Variants in TEX14 observed in about 807,000 individuals in gnomAD.
TEX14 encodes the protein testis expressed 14, intercellular bridge forming factor, also known as inactive serine/threonine-protein kinase TEX14.
Under a neutral mutation model 178.6 loss-of-function variants are expected in TEX14, and 168 were observed. The observed-to-expected ratio is 0.94, with a 90% CI of 0.83 to 1.07. The LOEUF is 1.07. Among genes scored for constraint, TEX14 ranks in the 50% least tolerant of loss-of-function variants. TEX14 has a pLI of 0.00. For synonymous variants in TEX14, 626 were observed against 634.1 expected (o/e 0.99, Z 0.19); for missense variants, 1,730 against 1,753.6 (o/e 0.99, Z 0.24).
intron 1 of TEX14, chr17:58,679,679 C>T (rs748646165): frequency 3.9e-5 from 6 of 152,268 alleles, no homozygotes; most frequent in African/African-American, 7.2e-5. Flanking sequence ...ATTTCCCTTG[C>T]CAGTTAAGTA....
At position 58,613,436 on chromosome 17, in the gene TEX14, A is replaced by T. The variant is rs774339304; in HGVS notation, c.990T>A (p.Ser330Arg). ...YERITIGTLF[S>R]VLHERRSQFP... Reference sequence around the variant, plus strand: ...AGCAGTTTACTCGTTCATGAAGGACACTGAACAATGTGCCGATAGTGATGC... The same window carrying T: ...AGCAGTTTACTCGTTCATGAAGGACTCTGAACAATGTGCCGATAGTGATGC... Residue 330 changes from serine to arginine, a missense_variant, in exon 9 of 32, where the codon AGT becomes AGA. This residue lies in a region of TEX14 where 789 missense variants were observed against 681.2 expected (regional missense o/e 1.16). Transcript: ENST00000349033. 9.9e-6 allele frequency: 16 copies of T among 1,614,032 alleles called. No individual in the cohort carries two copies. The highest frequency in any genetic ancestry group is 1.4e-5 in the Non-Finnish European group (16 of 1,179,998).
At position 58,665,588 on chromosome 17, in the gene TEX14, T is replaced by C. The variant is rs191577175; in HGVS notation, c.-1-13586A>G. ...TCCAGCCTAGGCAACAGGGTGAGACTCTGTCTCATAAAAAACAAAAAACAA... is the reference window on the plus strand; with the variant it reads ...TCCAGCCTAGGCAACAGGGTGAGACCCTGTCTCATAAAAAACAAAAAACAA... On this transcript the variant is annotated intron_variant, in intron 1 of 31. Coordinates refer to ENST00000349033, the MANE Select transcript of TEX14 (RefSeq NM_031272.5). Among the ~76,000 whole-genome samples, 342 of 151,422 alleles carry C rather than the reference T, an allele frequency of 2.3e-3. 6 individuals carry two copies. Among genetic ancestry groups the C allele is most frequent in the Admixed American group, 0.016 (249 of 15,208 alleles).
chr17:58,666,046 C>CAA (rs71395178), intron 1 of TEX14, among the ~76,000 whole-genome samples: 31 of 99,050 alleles, frequency 3.1e-4, no homozygotes, highest in Admixed American at 7.4e-4. Flanking sequence ...GACTCTGTCT[C>CAA]AAAAAAAAAA....
At chr17:58,663,760 G>A (rs563321945) in intron 1 of TEX14, among the ~76,000 whole-genome samples, 9 of 152,274 alleles carry the variant, frequency 5.9e-5, no homozygotes, top group South Asian at 4.1e-4. Context: ...GAGCCAATGT[G>A]CCAGGCCACT....
At chr17:58,557,187 A>G in intron 31 of TEX14, 140 bp from the exon 32 acceptor site, 1 of 705,976 alleles carries the variant, frequency 1.4e-6, no homozygotes, top group Non-Finnish European at 2.5e-6. Flanking sequence ...AAGGGCGATT[A>G]TAACCAACAG....
At chr17:58,627,767 C>A (rs572710891) in intron 3 of TEX14, among the ~76,000 whole-genome samples, 8 of 100,410 alleles carry the variant, frequency 8.0e-5, no homozygotes, top group East Asian at 7.3e-4. Context: ...AAGACTCTAT[C>A]TCAAAAAAAA....
chr17:58,605,241 G>A, intron 10 of TEX14, 112 bp from the exon 11 acceptor site: 1 of 1,304,448 alleles, frequency 7.7e-7, no homozygotes, highest in Non-Finnish European at 1.0e-6. Context: ...ACCCAGGCTG[G>A]AAAGCAGCAG....
intron 8 of TEX14, 40 bp from the exon 9 acceptor site, chr17:58,613,584 G>T (rs1362858509): frequency 1.9e-6 from 3 of 1,606,252 alleles, no homozygotes; most frequent in Non-Finnish European, 2.6e-6. Context: ...CAGGTGAGAG[G>T]AGGATATGAT....
At chr17:58,579,833 A>G (rs578020183) in intron 19 of TEX14, 102 bp from the exon 20 acceptor site, 10 of 924,772 alleles carry the variant, frequency 1.1e-5, no homozygotes, top group African/African-American at 6.6e-5. Flanking sequence ...GAAAATCTTC[A>G]TAAGATCCCT....
intron 1 of TEX14, among the ~76,000 whole-genome samples, chr17:58,678,549 A>G (rs1402281968): frequency 6.6e-6 from 1 of 152,096 alleles, no homozygotes; most frequent in Non-Finnish European, 1.5e-5. Context: ...GCTGGAAACC[A>G]TCATTCTGAG....
chr17:58,579,695 GTA>G lies in TEX14; in HGVS notation c.3206_3207del (p.Ile1069ThrfsTer12). The part of the protein sequence containing the change: ...SSPIEEDFEG[I>X]QGAFAQPQVS... ...ACTTGAGGTTGGGCAAATGCACCTTGTATTCCTTCAAAGTCCTCTTCTATGGG... is the reference window on the plus strand; with the variant it reads ...ACTTGAGGTTGGGCAAATGCACCTTGTTCCTTCAAAGTCCTCTTCTATGGG... On this transcript the variant is annotated frameshift_variant, in exon 20 of 32. Coordinates refer to ENST00000349033, the MANE Select transcript of TEX14 (RefSeq NM_031272.5). LOFTEE classifies it high-confidence loss of function. 2.5e-6 allele frequency: 4 copies of G among 1,613,998 alleles called. No individual in the cohort carries two copies. Among genetic ancestry groups the G allele is most frequent in the Non-Finnish European group, 3.4e-6 (4 of 1,179,946 alleles).
intron 5 of TEX14, among the ~76,000 whole-genome samples, chr17:58,619,634 A>C (rs965003512): frequency 1.3e-5 from 2 of 151,998 alleles, no homozygotes; most frequent in African/African-American, 4.8e-5. Flanking sequence ...GTGAAACCCC[A>C]TCTCTACTAA....
At position 58,612,735 on chromosome 17, in the gene TEX14, CAAAAAAA is replaced by C. The variant is rs35618114; in HGVS notation, c.1005+679_1005+685del. 3.1e-5 allele frequency among the ~76,000 whole-genome samples: 3 copies of C among 97,100 alleles called. No individual in the cohort carries two copies. In the East Asian group the frequency reaches 9.3e-4, roughly 30 times the overall value. The allele number at this position is 97,100 out of a possible 152,430, so 63.7% of individuals were successfully genotyped here. On this transcript the variant is annotated intron_variant, in intron 9 of 31. Coordinates refer to ENST00000349033, the MANE Select transcript of TEX14 (RefSeq NM_031272.5). ...GGGTGACAGAAGGAGACTCTTGTCTCAAAAAAAAAAAAAAAAAAAAAAATTAGCTGGG... is the reference window on the plus strand; with the variant it reads ...GGGTGACAGAAGGAGACTCTTGTCTCAAAAAAAAAAAAAAAATTAGCTGGG...
chr17:58,608,718 T>C (rs2045675194), intron 10 of TEX14, among the ~76,000 whole-genome samples: 2 of 152,236 alleles, frequency 1.3e-5, no homozygotes. Flanking sequence ...AAGAGGAATA[T>C]GCAAAGTGCC....
intron 28 of TEX14, among the ~76,000 whole-genome samples, chr17:58,563,658 TAGAGAGAG>T (rs1180956521): frequency 0.012 from 209 of 17,344 alleles, no homozygotes; most frequent in Middle Eastern, 0.029. Flanking sequence ...TATATATATA[TAGAGAGAG>T]AGAGAGAGAG....
chr17:58,662,766 A>G (rs2047139161), intron 1 of TEX14, among the ~76,000 whole-genome samples: 1 of 152,196 alleles, frequency 6.6e-6, no homozygotes, highest in Admixed American at 6.5e-5. Context: ...TATATACTCA[A>G]TAATTTTTAA....
chr17:58,621,658 G>A lies in TEX14; in HGVS notation c.546C>T (p.Leu182=), dbSNP rs759620780. 14 of 1,613,516 alleles carry A rather than the reference G, an allele frequency of 8.7e-6. No individual in the cohort carries two copies. The Admixed American group carries it at 1.0e-4, about 12-fold the overall frequency. ...LVYSPSWCGG[L]VQGNPNGSPN... is the part of the protein sequence containing the mutation. The stretch of plus-strand genomic sequence containing the variant: ...CTCAAGGCAGTACTCACCCCTGCAC[G>A]AGGCCCCCACACCAGGACGGGCTGT... Residue 182 remains leucine (L), a synonymous_variant, in exon 5 of 32, where the codon CTC becomes CTT. Coordinates refer to ENST00000349033, the MANE Select transcript of TEX14 (RefSeq NM_031272.5).
chr17:58,684,657 A>G (rs2047561323), intron 1 of TEX14, among the ~76,000 whole-genome samples: 1 of 150,718 alleles, frequency 6.6e-6, no homozygotes, highest in South Asian at 2.1e-4. Context: ...AAATAAATAA[A>G]TAAATAAATA....
chr17:58,581,642 G>C, intron 19 of TEX14: 1 of 1,613,928 alleles, frequency 6.2e-7, no homozygotes, highest in Non-Finnish European at 8.5e-7. Flanking sequence ...AGCAGTCGAG[G>C]AGTAAAAATA....
Sources: gnomAD v4.1 joint callset for allele counts (sites outside exome capture counted in the v4.1 genomes callset) on GRCh38, gnomAD v4.1.1 for gene constraint, gnomAD v4.1.1 regional missense constraint, MANE v1.5 for transcripts, NCBI Gene and HGNC (gene_info 2026-07-23, HGNC 2026-07-21) for gene names.